The following NPC1 variants were observed in gnomAD, a reference collection of about 807,000 sequenced individuals.
NPC1 encodes NPC intracellular cholesterol transporter 1, also known as Niemann-Pick C1 protein.
NPC1 carries 85 observed loss-of-function variants against 140.4 expected under a neutral mutation model. The observed-to-expected ratio is 0.61, with a 90% confidence interval of 0.51 to 0.72. The LOEUF (loss-of-function observed/expected upper bound fraction) is 0.72, where lower values mean the gene tolerates loss of function less well. NPC1 is among the 30% of genes least tolerant of loss of function. The pLI, the probability that NPC1 is intolerant of heterozygous loss-of-function variation, is 0.00. For synonymous variants in NPC1, 656 were observed against 624.8 expected (o/e 1.05, Z -0.74); for missense variants, 1,504 against 1,623.8 (o/e 0.93, Z 1.27).
At chr18:23,540,976 G>A (rs1255414331) in intron 16 of NPC1, 92 bp downstream of exon 16, 7 of 1,407,864 alleles carry the variant, frequency 5.0e-6, no homozygotes, top group African/African-American at 1.4e-5. Context: ...ACAGCTTTAA[G>A]AATCTCCTTC....
chr18:23,513,046 T>A (rs1324021546), intron 3 of NPC1, among the ~76,000 whole-genome samples: 2 of 152,146 alleles, frequency 1.3e-5, no homozygotes, highest in African/African-American at 4.8e-5. Flanking sequence ...CTCTGTCTCC[T>A]GGGTTCAGGC....
chr18:23,565,329 C>T (rs930330442), intron 4 of NPC1, among the ~76,000 whole-genome samples: 1 of 152,152 alleles, frequency 6.6e-6, no homozygotes, highest in Admixed American at 6.6e-5. Context: ...TCGTTAATTT[C>T]GCTGAATAAT....
intron 4 of NPC1, among the ~76,000 whole-genome samples, chr18:23,567,677 G>C (rs1275129589): frequency 6.6e-6 from 1 of 152,202 alleles, no homozygotes; most frequent in Non-Finnish European, 1.5e-5. Context: ...TGCATTTAGA[G>C]TTTCTCTAAG....
rs371124772 is a variant in NPC1 at position 23,536,664 on chromosome 18, A to G, written c.3245+9T>C. On this transcript the variant is annotated intron_variant, in intron 21 of 24. Transcript: ENST00000269228. ...TGGGTAAACCCCATTGAAAAAGGGC[A>G]GGCTTTACCTGTAAGGAAATACTCG... 3 of 1,612,268 alleles carry G rather than the reference A, an allele frequency of 1.9e-6. No individual in the cohort carries two copies. The African/African-American group carries it at 4.0e-5, about 22-fold the overall frequency.
intron 1 of NPC1, among the ~76,000 whole-genome samples, chr18:23,576,157 G>A (rs1402156596): frequency 4.6e-5 from 7 of 152,058 alleles, no homozygotes; most frequent in Non-Finnish European, 1.0e-4. Flanking sequence ...CCGAGAGGCG[G>A]AGGTTGTGGT....
intron 6 of NPC1, 129 bp downstream of exon 6, chr18:23,560,102 T>A (rs1426104668): frequency 1.6e-5 from 18 of 1,106,526 alleles, no homozygotes; most frequent in South Asian, 1.5e-4. Context: ...GACACAATAA[T>A]CCATGCAATG....
exon 2 of NPC1, chr18:23,522,808 T>G (rs2058178173): frequency 6.6e-6 from 1 of 152,370 alleles, no homozygotes; most frequent in East Asian, 1.9e-4. Flanking sequence ...GACTCTCCTT[T>G]TGTTTCCTGC....
intron 3 of NPC1, among the ~76,000 whole-genome samples, chr18:23,511,118 C>T (rs538302058): frequency 6.6e-6 from 1 of 152,312 alleles, no homozygotes; most frequent in South Asian, 2.1e-4. Context: ...AAATGTGGTA[C>T]ATATATACCA....
Position 23,544,952 on chromosome 18 carries a change from C to CCCCGGG in NPC1, c.1947+7_1947+8insCCCGGG. 1 of 1,430,726 alleles carries CCCCGGG rather than the reference C, an allele frequency of 7.0e-7. No individual in the cohort carries two copies. The highest frequency in any genetic ancestry group is 9.8e-7 in the Non-Finnish European group (1 of 1,025,418). The allele number at this position is 1,430,726 out of a possible 1,614,324, so 88.6% of individuals were successfully genotyped here. On this transcript the variant is annotated splice_region_variant and intron_variant, in intron 12 of 24. Coordinates refer to ENST00000269228, the MANE Select transcript of NPC1 (RefSeq NM_000271.5). ...CTCTAGAACATACACCACCCCCCCC[C>CCCCGGG]GGCTTACCAGAAGCCTGCGACAGCT...
chr18:23,544,434 C>CA lies in NPC1; in HGVS notation c.2039dup (p.Leu680PhefsTer9), dbSNP rs2145400078. The CA allele has an allele frequency of 1.2e-6, 2 of 1,614,140 alleles. No individual in the cohort carries two copies. Among genetic ancestry groups the CA allele is most frequent in the Non-Finnish European group, 1.7e-6 (2 of 1,180,018 alleles). On this transcript the variant is annotated frameshift_variant, in exon 13 of 25. Transcript: ENST00000269228. LOFTEE classifies it high-confidence loss of function. ...CTTCAATCACAATGAGGGTCAAGGG[C>CA]AACCCAATGTAGCTGAAGACACCCA...
downstream of NPC1, chr18:23,519,052 T>C: frequency 3.7e-6 from 6 of 1,613,728 alleles, no homozygotes; most frequent in Non-Finnish European, 4.2e-6. Context: ...ATCTGTTTTT[T>C]GCTTTCTATC....
chr18:23,556,608 C>T lies in NPC1; in HGVS notation c.961G>A (p.Ala321Thr). 1.9e-6 allele frequency: 3 copies of T among 1,614,008 alleles called. No homozygotes were observed. Among genetic ancestry groups the T allele is most frequent in the Non-Finnish European group, 2.5e-6 (3 of 1,179,974 alleles). ...FSVNASDKGE[A>T]SCCDPVSAAF... Reference sequence around the variant, plus strand: ...GCGCTGACAGGGTCACAGCAGGACGCCTCTCCTGGAAGAACGGGAGAGGAA... The same window carrying T: ...GCGCTGACAGGGTCACAGCAGGACGTCTCTCCTGGAAGAACGGGAGAGGAA... Residue 321 changes from alanine to threonine, a missense_variant, in exon 8 of 25, where the codon GCG becomes ACG. Transcript: ENST00000269228.
chr18:23,557,122 T>C lies in NPC1; in HGVS notation c.950A>G (p.Asp317Gly). 1 of 1,612,052 alleles carries C rather than the reference T, an allele frequency of 6.2e-7. No homozygotes were observed. The highest frequency in any genetic ancestry group is 8.5e-7 in the Non-Finnish European group (1 of 1,178,192). Reference sequence around the variant, plus strand: ...TCATGGACAAATATGCCTACCTTTGTCACTTGCATTAACAGAAAAAGCTAT... The same window carrying C: ...TCATGGACAAATATGCCTACCTTTGCCACTTGCATTAACAGAAAAAGCTAT... ...SNIAFSVNASDKGEASCCDPV... is the reference protein window; with the variant it reads ...SNIAFSVNASGKGEASCCDPV... Residue 317 changes from aspartate (D) to glycine (G), a missense_variant, in exon 7 of 25, where the codon GAC becomes GGC. Physicochemically the swap from Asp to Gly is moderately conservative, Grantham distance 94 (BLOSUM62 -1). Transcript: ENST00000269228.
chr18:23,527,776 G>C, downstream of NPC1: 1 of 1,602,940 alleles, frequency 6.2e-7, no homozygotes, highest in Non-Finnish European at 8.5e-7. Flanking sequence ...ATCCGTGTGT[G>C]AACATTGTGC....
Position 23,544,370 on chromosome 18 carries a change from T to A in NPC1, c.2104A>T (p.Ile702Phe). The A allele has an allele frequency of 6.2e-7, 1 of 1,614,146 alleles. No homozygotes were observed. Among genetic ancestry groups the A allele is most frequent in the Non-Finnish European group, 8.5e-7 (1 of 1,180,024 alleles). Reference sequence around the variant, plus strand: ...TGGTAGGCCTGCACCAGAATGAAGATGTTGTCCACTCCAACAGCCAGCACC... The same window carrying A: ...TGGTAGGCCTGCACCAGAATGAAGAAGTTGTCCACTCCAACAGCCAGCACC... The part of the protein sequence containing the change: ...FLVLAVGVDN[I>F]FILVQAYQRD... Residue 702 changes from isoleucine to phenylalanine, a missense_variant, in exon 13 of 25, where the codon ATC becomes TTC. Coordinates refer to ENST00000269228, the MANE Select transcript of NPC1 (RefSeq NM_000271.5).
Position 23,542,462 on chromosome 18 carries a change from G to A in NPC1, c.2245+993C>T, listed in dbSNP as rs369969385. ...GCATTGCAGTTTGTGGCCCGTGGATGGTCTTCTTTGGACTGAGTGATTCCA... is the reference window on the plus strand; with the variant it reads ...GCATTGCAGTTTGTGGCCCGTGGATAGTCTTCTTTGGACTGAGTGATTCCA... On this transcript the variant is annotated intron_variant, in intron 14 of 24. Transcript: ENST00000269228. 2.6e-5 allele frequency among the ~76,000 whole-genome samples: 4 copies of A among 152,222 alleles called. 1 individual carries two copies.
chr18:23,529,362 CGAG>C (rs749057832), downstream of NPC1: 30 of 1,556,394 alleles, frequency 1.9e-5, no homozygotes, highest in Non-Finnish European at 2.4e-5. Flanking sequence ...TTGCTGAAAA[CGAG>C]GAGACTTCAT....
At chr18:23,543,234 C>T (rs764352343) in intron 14 of NPC1, among the ~76,000 whole-genome samples, 1 of 147,912 alleles carries the variant, frequency 6.8e-6, no homozygotes, top group Non-Finnish European at 1.5e-5. Flanking sequence ...GAGGCTGAGG[C>T]AGGAAAATCG....
intron 22 of NPC1, among the ~76,000 whole-genome samples, chr18:23,535,193 G>C (rs2058609171): frequency 1.3e-5 from 2 of 152,130 alleles, no homozygotes; most frequent in South Asian, 4.1e-4. Flanking sequence ...TACTAGTATA[G>C]CCGCAAGGAA....
Sources: allele counts gnomAD v4.1 joint callset (sites outside exome capture counted in the v4.1 genomes callset), GRCh38; gene constraint gnomAD v4.1.1; transcripts MANE v1.5; gene names NCBI Gene and HGNC (gene_info 2026-07-23, HGNC 2026-07-21).